TENM4: variants seen among roughly 807,000 people sequenced by gnomAD.
TENM4 encodes the protein teneurin-4.
In TENM4, 82 loss-of-function variants were observed where a neutral mutation model predicts 243.3. The observed-to-expected ratio is 0.34, with a 90% CI of 0.28 to 0.40. TENM4 has a LOEUF of 0.40. Among genes scored for constraint, TENM4 ranks in the 10% least tolerant of loss-of-function variants. The probability of loss-of-function intolerance (pLI) is 1.00; values close to 1 mark genes in which losing one functional copy is unlikely to be tolerated. For synonymous variants in TENM4, 1,412 were observed against 1,456.3 expected (o/e 0.97, Z 0.69); for missense variants, 3,138 against 3,673.3 (o/e 0.85, Z 3.77).
chr11:78,939,351 C>T (rs1002632212), intron 6 of TENM4, among the ~76,000 whole-genome samples: 6 of 152,224 alleles, frequency 3.9e-5, no homozygotes, highest in Non-Finnish European at 7.3e-5. Context: ...AACTTTACAG[C>T]GTGATCTTCT....
chr11:79,049,724 G>T (rs1414477939), intron 6 of TENM4, among the ~76,000 whole-genome samples: 1 of 152,214 alleles, frequency 6.6e-6, no homozygotes, highest in African/African-American at 2.4e-5. Context: ...GGAATTTGGT[G>T]CATGCTAGGC....
chr11:78,921,589 C>T (rs938255275), intron 6 of TENM4, among the ~76,000 whole-genome samples: 1 of 152,176 alleles, frequency 6.6e-6, no homozygotes, highest in Non-Finnish European at 1.5e-5. Context: ...GCCAAAGCAA[C>T]CAGGCTCCCT....
chr11:78,954,531 G>T (rs1239856702), intron 6 of TENM4, among the ~76,000 whole-genome samples: 1 of 152,198 alleles, frequency 6.6e-6, no homozygotes, highest in Non-Finnish European at 1.5e-5. Flanking sequence ...CCACCTATCA[G>T]TTGCCAATGT....
At chr11:79,327,697 C>T (rs1231537302) in intron 1 of TENM4, among the ~76,000 whole-genome samples, 2 of 150,114 alleles carry the variant, frequency 1.3e-5, no homozygotes, top group Non-Finnish European at 3.0e-5. Flanking sequence ...ACCCTTTGCC[C>T]CAAACCAGAC....
rs923312952 is a variant in TENM4, at chr11:79,008,981, G to C, written c.493+55757C>G. Among the ~76,000 whole-genome samples, 4 of 152,270 alleles carry C rather than the reference G, an allele frequency of 2.6e-5. No individual in the cohort carries two copies. The East Asian group carries it at 7.7e-4, about 29-fold the overall frequency. ...GCTAAGTAAAAAATGCCATCTCTTAGTGTTTTAGTTTGCATTTTTGGATTA... is the reference window on the plus strand; with the variant it reads ...GCTAAGTAAAAAATGCCATCTCTTACTGTTTTAGTTTGCATTTTTGGATTA... On this transcript the variant is annotated intron_variant, in intron 6 of 33. Coordinates refer to ENST00000278550, the MANE Select transcript of TENM4 (RefSeq NM_001098816.3).
intron 1 of TENM4, among the ~76,000 whole-genome samples, chr11:79,305,153 C>T (rs572567708): frequency 6.6e-6 from 1 of 152,320 alleles, no homozygotes; most frequent in South Asian, 2.1e-4. Context: ...GTGAAAAGAG[C>T]ATGGGCCTGA....
At chr11:79,397,834 A>G (rs1204944857) in intron 1 of TENM4, among the ~76,000 whole-genome samples, 4 of 152,150 alleles carry the variant, frequency 2.6e-5, no homozygotes. Flanking sequence ...CTTGTGAGCA[A>G]TCAGCAAACC....
chr11:79,281,690 A>G (rs2135364987), intron 2 of TENM4, among the ~76,000 whole-genome samples: 1 of 152,324 alleles, frequency 6.6e-6, no homozygotes, highest in Non-Finnish European at 1.5e-5. Context: ...CCTGCATCCC[A>G]TCTAAGGACA....
chr11:79,065,101 C>T (rs1860210724), intron 5 of TENM4, 94 bp from the exon 6 acceptor site: 1 of 1,408,052 alleles, frequency 7.1e-7, no homozygotes, highest in East Asian at 2.7e-5. Flanking sequence ...CCAGGGCTCA[C>T]TGTCGTTCTT....
rs138273862 is a variant in TENM4, at chr11:79,011,025, A to T, written c.493+53713T>A. 4.6e-5 allele frequency among the ~76,000 whole-genome samples: 7 copies of T among 152,354 alleles called. No homozygotes were observed. The East Asian group carries it at 1.4e-3, about 29-fold the overall frequency. On this transcript the variant is annotated intron_variant, in intron 6 of 33. Coordinates refer to ENST00000278550, the MANE Select transcript of TENM4 (RefSeq NM_001098816.3). Reference sequence around the variant, plus strand: ...GGGTTATATGTGAGAAATAAACAAAACACATAGTAGAATGTTTGATGTGTA... The same window carrying T: ...GGGTTATATGTGAGAAATAAACAAATCACATAGTAGAATGTTTGATGTGTA...
At chr11:79,008,571 G>A (rs1858553101) in intron 6 of TENM4, among the ~76,000 whole-genome samples, 1 of 152,224 alleles carries the variant, frequency 6.6e-6, no homozygotes, top group Middle Eastern at 3.4e-3. Context: ...AGCCATGAAA[G>A]CCTCTTTGTA....
At chr11:78,894,330 C>T (rs1046310569) in intron 7 of TENM4, among the ~76,000 whole-genome samples, 8 of 151,964 alleles carry the variant, frequency 5.3e-5, no homozygotes, top group Admixed American at 3.3e-4. Flanking sequence ...TTTTAAGATA[C>T]AGAGTCAAAT....
rs564528094 is a variant in TENM4, at chr11:79,258,967, G to A, written c.-265+38521C>T. On this transcript the variant is annotated intron_variant, in intron 2 of 33. Coordinates refer to ENST00000278550, the MANE Select transcript of TENM4 (RefSeq NM_001098816.3). ...CCCCCACCTACTAGCTGTATGGCCAGGGATAGTTTCTTCATTCTTCTGGTT... is the reference window on the plus strand; with the variant it reads ...CCCCCACCTACTAGCTGTATGGCCAAGGATAGTTTCTTCATTCTTCTGGTT... Among the ~76,000 whole-genome samples the A allele has an allele frequency of 2.0e-5, 3 of 152,302 alleles. No individual in the cohort carries two copies. In the South Asian group the frequency reaches 6.2e-4, roughly 32 times the overall value.
At chr11:79,034,983 C>T (rs1859340119) in intron 6 of TENM4, among the ~76,000 whole-genome samples, 1 of 152,198 alleles carries the variant, frequency 6.6e-6, no homozygotes, top group Non-Finnish European at 1.5e-5. Flanking sequence ...CTAAGGTCCC[C>T]TCATCCCTTG....
chr11:79,429,311 C>T (rs989613958), intron 1 of TENM4, among the ~76,000 whole-genome samples: 1 of 152,156 alleles, frequency 6.6e-6, no homozygotes, highest in Non-Finnish European at 1.5e-5. Flanking sequence ...GAACCTCCCT[C>T]TATTCACATC....
intron 14 of TENM4, among the ~76,000 whole-genome samples, chr11:78,810,680 C>T (rs1189081647): frequency 2.6e-5 from 4 of 152,202 alleles, no homozygotes; most frequent in African/African-American, 7.2e-5. Context: ...TTATATACAG[C>T]TTGTCTCAGA....
intron 9 of TENM4, 86 bp from the exon 10 acceptor site, chr11:78,863,218 G>C (rs1858868997): frequency 1.4e-6 from 2 of 1,382,228 alleles, no homozygotes; most frequent in Admixed American, 2.5e-5. Context: ...TGGGCAGGGT[G>C]GGGGAACACA....
At chr11:78,722,130 C>T (rs1467224528) in intron 24 of TENM4, among the ~76,000 whole-genome samples, 2 of 152,150 alleles carry the variant, frequency 1.3e-5, no homozygotes, top group Non-Finnish European at 2.9e-5. Context: ...CCTGCCTGAA[C>T]CTCCTGAGTA....
At chr11:79,272,667 A>C (rs1471088559) in intron 2 of TENM4, among the ~76,000 whole-genome samples, 1 of 151,934 alleles carries the variant, frequency 6.6e-6, no homozygotes, top group Non-Finnish European at 1.5e-5. Context: ...GCCTCTTCTC[A>C]CATGTTCTTC....
Sources: gnomAD v4.1 joint callset for allele counts (sites outside exome capture counted in the v4.1 genomes callset) on GRCh38, gnomAD v4.1.1 for gene constraint, MANE v1.5 for transcripts, NCBI Gene and HGNC (gene_info 2026-07-23, HGNC 2026-07-21) for gene names.